The following BEST4 variants were observed in gnomAD, a reference collection of about 807,000 sequenced individuals.
The protein encoded by BEST4 is bestrophin 4, also known as bestrophin-4.
Under a neutral mutation model 47.1 loss-of-function variants are expected in BEST4, and 36 were observed. The ratio of observed to expected loss-of-function variants is 0.76; its 90% CI spans 0.59 to 1.01. The LOEUF (loss-of-function observed/expected upper bound fraction) is 1.01, where lower values mean the gene tolerates loss of function less well. BEST4 is among the 50% of genes least tolerant of loss of function. The pLI is 0.00. For missense variants in BEST4, 550 were observed against 648.6 expected (o/e 0.85, Z 1.65); for synonymous variants, 250 against 277.8 (o/e 0.90, Z 1.00).
At chr1:44,783,180 C>T (rs1651091289), downstream of BEST4, among the ~76,000 whole-genome samples, 1 of 152,200 alleles carries the variant, frequency 6.6e-6, no homozygotes, top group Non-Finnish European at 1.5e-5. Flanking sequence ...GTCTTTAACT[C>T]CTGGCCTCTG....
Position 44,784,855 on chromosome 1 carries a change from A to C in BEST4, c.993+50T>G. On this transcript the variant is annotated intron_variant, in intron 7 of 8. Coordinates refer to ENST00000372207, the MANE Select transcript of BEST4 (RefSeq NM_153274.3). The surrounding 1 kb of genome is among the most constrained non-coding windows in gnomAD (Gnocchi z 6.2). ...ACGGCCGGGCTGAGAGCTGACCGGG[A>C]GAGGGGGCCCAGGAGCTGCCCTGGA... 6.2e-7 allele frequency: 1 copy of C among 1,611,622 alleles called. No individual in the cohort carries two copies. The highest frequency in any genetic ancestry group is 8.5e-7 in the Non-Finnish European group (1 of 1,178,580).
intron 2 of BEST4, among the ~76,000 whole-genome samples, chr1:44,787,143 CTTTTTTT>C (rs34398169): frequency 8.6e-5 from 9 of 105,014 alleles, no homozygotes; most frequent in East Asian, 5.4e-4. Context: ...TTGAGTAATT[CTTTTTTT>C]TTTTTTTTTT....
At chr1:44,787,219 G>A (rs1557614202) in intron 2 of BEST4, among the ~76,000 whole-genome samples, 153 bp downstream of exon 2, 2 of 146,576 alleles carry the variant, frequency 1.4e-5, no homozygotes, top group African/African-American at 2.5e-5. Flanking sequence ...GGGCTCAAGC[G>A]ATCCTCTCAC....
Position 44,784,775 on chromosome 1 carries a change from C to T in BEST4, c.1002G>A (p.Leu334=), listed in dbSNP as rs1651160291. The change falls in exon 8 of 9, where the codon CTG becomes CTA. Residue 334 remains leucine, a synonymous_variant. Coordinates refer to ENST00000372207, the MANE Select transcript of BEST4 (RefSeq NM_153274.3). This position sits in a 1 kb window ranked among gnomAD's most constrained non-coding sequence, Gnocchi z 6.2. ...QLIDRNLQVS[L]LSVDEMYQNL... ...TCTGGTACATTTCGTCCACGGATAG[C>T]AGGGACACCTGGGCCACCAGCAAGT... The T allele has an allele frequency of 6.3e-7, 1 of 1,593,448 alleles. No individual in the cohort carries two copies. Among genetic ancestry groups the T allele is most frequent in the Non-Finnish European group, 8.6e-7 (1 of 1,168,784 alleles).
In BEST4 at chr1:44,787,663, C is replaced by G. The variant is rs140513742; in HGVS notation, c.43G>C (p.Gly15Arg). 6.2e-7 allele frequency: 1 copy of G among 1,614,210 alleles called. No individual in the cohort carries two copies. The highest frequency in any genetic ancestry group is 1.7e-5 in the Admixed American group (1 of 60,032). The change falls in exon 1 of 9, where the codon GGA becomes CGA. Residue 15 changes from glycine (G) to arginine (R), a missense_variant. Gly to Arg is a moderately radical substitution (Grantham distance 125). Around this residue, in one of 3 missense-constraint regions of BEST4, gnomAD observed 291 missense variants for 342.4 expected, o/e 0.85. Coordinates refer to ENST00000372207, the MANE Select transcript of BEST4 (RefSeq NM_153274.3). ...YTLKVAEARFGGFSGLLLRWR... is the reference protein window; with the variant it reads ...YTLKVAEARFRGFSGLLLRWR... ...CGGAGAAGCAGGCCAGAGAAACCTC[C>G]GAAGCGGGCCTCCGCCACTTTGAGA...
intron 6 of BEST4, 31 bp downstream of exon 6, chr1:44,785,077 G>A (rs750785752): frequency 3.7e-6 from 6 of 1,611,092 alleles, no homozygotes; most frequent in South Asian, 1.1e-5. Flanking sequence ...TCTCCACAGA[G>A]CAGGCTGGCA....
At chr1:44,788,622 C>T (rs76085531), upstream of BEST4, among the ~76,000 whole-genome samples, 941 of 152,304 alleles carry the variant, frequency 6.2e-3, 43 homozygotes, top group East Asian at 0.11. Context: ...ATGACTTGCC[C>T]GCCGTCGGCC....
chr1:44,784,165 A>G lies in BEST4; in HGVS notation c.*45T>C. On this transcript the variant is annotated 3_prime_UTR_variant, in exon 9 of 9. Coordinates refer to ENST00000372207, the MANE Select transcript of BEST4 (RefSeq NM_153274.3). The surrounding 1 kb of genome is among the most constrained non-coding windows in gnomAD (Gnocchi z 6.2). ...CTGGCAGGACCGGGCACGGGAGGGA[A>G]GGAGGGCAGTGGGTGGGGGAAACCG... 7.4e-7 allele frequency: 1 copy of G among 1,352,960 alleles called. No homozygotes were observed. 83.8% of individuals were successfully genotyped at this position (1,352,960 alleles called of 1,614,324 possible). A position where few individuals can be genotyped will look rare whatever the true frequency, so the allele number is the denominator to read the frequency against.
chr1:44,791,642 C>T (rs1306280111), upstream of BEST4, among the ~76,000 whole-genome samples: 1 of 152,024 alleles, frequency 6.6e-6, no homozygotes, highest in African/African-American at 2.4e-5. Flanking sequence ...CAGTCCCTAC[C>T]TCCTGAATCA....
chr1:44,784,895 G>T lies in BEST4; in HGVS notation c.993+10C>A. The T allele has an allele frequency of 6.2e-7, 1 of 1,614,102 alleles. No individual in the cohort carries two copies. The highest frequency in any genetic ancestry group is 8.5e-7 in the Non-Finnish European group (1 of 1,179,954). On this transcript the variant is annotated intron_variant, in intron 7 of 8. Transcript: ENST00000372207. The surrounding 1 kb of genome is among the most constrained non-coding windows in gnomAD (Gnocchi z 6.2). ...GCTGCCCTGGACTCCTGATCCTGAT[G>T]CTTGCTCACCTGCAAGTTGCGGTCT...
downstream of BEST4, among the ~76,000 whole-genome samples, chr1:44,781,897 T>TA (rs1290309677): frequency 6.6e-6 from 1 of 151,886 alleles, no homozygotes; most frequent in African/African-American, 2.4e-5. Context: ...CATTGTGGCT[T>TA]ACGCCTGTAA....
In BEST4 at chr1:44,786,618, A is replaced by T; in HGVS notation, c.326T>A (p.Val109Asp). ...SIPLPDQLMC[V>D]ISASVHGVDQ... ...CACGCCGTGCACGCTAGCCGAGATG[A>T]CGCACATCAGCTGGTCTGGCAGCGG... Residue 109 changes from valine to aspartate, a missense_variant, in exon 3 of 9, where the codon GTC becomes GAC. Transcript: ENST00000372207. This position sits in a 1 kb window ranked among gnomAD's most constrained non-coding sequence, Gnocchi z 4.9. 1 of 1,551,520 alleles carries T rather than the reference A, an allele frequency of 6.4e-7. No individual in the cohort carries two copies. Among genetic ancestry groups the T allele is most frequent in the Non-Finnish European group, 8.7e-7 (1 of 1,146,978 alleles).
downstream of BEST4, among the ~76,000 whole-genome samples, chr1:44,782,624 C>T (rs1651073313): frequency 7.1e-6 from 1 of 141,208 alleles, no homozygotes. Flanking sequence ...TGCAAGATTC[C>T]GTCTCAAATA....
upstream of BEST4, among the ~76,000 whole-genome samples, chr1:44,791,815 G>A (rs1651418429): frequency 6.6e-6 from 1 of 152,080 alleles, no homozygotes; most frequent in African/African-American, 2.4e-5. Flanking sequence ...CCTCACAGCT[G>A]AGAAGTGGTT....
Position 44,784,772 on chromosome 1 carries a change from T to C in BEST4, c.1005A>G (p.Leu335=). The C allele has an allele frequency of 6.3e-7, 1 of 1,594,162 alleles. No homozygotes were observed. Among genetic ancestry groups the C allele is most frequent in the Middle Eastern group, 1.7e-4 (1 of 5,956 alleles). ...GGTTCTGGTACATTTCGTCCACGGA[T>C]AGCAGGGACACCTGGGCCACCAGCA... ...LIDRNLQVSL[L]SVDEMYQNLP... is the part of the protein sequence containing the mutation. Residue 335 remains leucine (L), a synonymous_variant, in exon 8 of 9, where the codon CTA becomes CTG. Coordinates refer to ENST00000372207, the MANE Select transcript of BEST4 (RefSeq NM_153274.3). The surrounding 1 kb of genome is among the most constrained non-coding windows in gnomAD (Gnocchi z 6.2).
chr1:44,784,460 C>A lies in BEST4; in HGVS notation c.1172G>T (p.Ser391Ile), dbSNP rs1384297238. ...TCCGGGGGACGCCTCCACCTGCAGG[C>A]TCTGCTCAGGGTCGTCGCTCATGCT... The part of the protein sequence containing the change: ...NLRMSDDPEQ[S>I]LQVEASPGSG... Residue 391 changes from serine (S) to isoleucine (I), a missense_variant, in exon 9 of 9, where the codon AGC becomes ATC. By Grantham distance (142) the Ser-to-Ile change is moderately radical. Around this residue, in one of 3 missense-constraint regions of BEST4, gnomAD observed 255 missense variants for 286.6 expected, o/e 0.89. Coordinates refer to ENST00000372207, the MANE Select transcript of BEST4 (RefSeq NM_153274.3). This position sits in a 1 kb window ranked among gnomAD's most constrained non-coding sequence, Gnocchi z 6.2. 5.5e-6 allele frequency: 8 copies of A among 1,442,778 alleles called. No homozygotes were observed. The highest frequency in any genetic ancestry group is 7.2e-6 in the Non-Finnish European group (8 of 1,106,356). 89.4% of individuals were successfully genotyped at this position (1,442,778 alleles called of 1,614,324 possible).
chr1:44,783,102 C>T (rs1651089635), downstream of BEST4, among the ~76,000 whole-genome samples: 1 of 152,056 alleles, frequency 6.6e-6, no homozygotes, highest in Non-Finnish European at 1.5e-5. Flanking sequence ...TTACAGGCAT[C>T]CACCACCACA....
chr1:44,787,350 G>GA (rs769791491), intron 2 of BEST4, 22 bp downstream of exon 2: 1 of 1,613,046 alleles, frequency 6.2e-7, no homozygotes, highest in Non-Finnish European at 8.5e-7. Flanking sequence ...GGGACACAGG[G>GA]AAAACTAGAA....
In BEST4 at chr1:44,784,544, C is replaced by A; in HGVS notation, c.1149-61G>T. The stretch of plus-strand genomic sequence containing the variant: ...GGCGGGAGCGGGGACGCGGGATCGG[C>A]TCTCGGGGAAGGACCGAGGCATCGG... On this transcript the variant is annotated intron_variant, in intron 8 of 8. Coordinates refer to ENST00000372207, the MANE Select transcript of BEST4 (RefSeq NM_153274.3). This position sits in a 1 kb window ranked among gnomAD's most constrained non-coding sequence, Gnocchi z 6.2. The A allele has an allele frequency of 6.6e-7, 1 of 1,519,304 alleles. No individual in the cohort carries two copies. The highest frequency in any genetic ancestry group is 2.1e-5 in the Admixed American group (1 of 46,952). 94.1% of individuals were successfully genotyped at this position (1,519,304 alleles called of 1,614,324 possible).
Sources: gnomAD v4.1 joint callset for allele counts (sites outside exome capture counted in the v4.1 genomes callset) on GRCh38, gnomAD v4.1.1 for gene constraint, gnomAD v4.1.1 regional missense constraint, Gnocchi (gnomAD v3.1) non-coding constraint, MANE v1.5 for transcripts, NCBI Gene and HGNC (gene_info 2026-07-23, HGNC 2026-07-21) for gene names.